LINGO2: variants seen among roughly 807,000 people sequenced by gnomAD.
LINGO2 encodes leucine-rich repeat and immunoglobulin-like domain-containing nogo receptor-interacting protein 2.
In LINGO2, 14 loss-of-function variants were observed where a neutral mutation model predicts 30.6. The observed-to-expected ratio is 0.46, with a 90% CI of 0.30 to 0.72. The LOEUF (loss-of-function observed/expected upper bound fraction) is 0.72. LINGO2 is among the 30% of genes least tolerant of loss of function. LINGO2 has a pLI of 0.07. For synonymous variants in LINGO2, 317 were observed against 288.5 expected (o/e 1.10, Z -1.00); for missense variants, 729 against 751.7 (o/e 0.97, Z 0.35).
At chr9:28,052,088 G>A (rs1045896001) in intron 4 of LINGO2, among the ~76,000 whole-genome samples, 3 of 152,038 alleles carry the variant, frequency 2.0e-5, no homozygotes, top group African/African-American at 7.2e-5. Context: ...ATTTAGCAGA[G>A]GGTAAACTGG....
the LINGO2 span, among the ~76,000 whole-genome samples, chr9:28,997,852 T>TAAA: frequency 5.5e-5 from 2 of 36,452 alleles, no homozygotes; most frequent in East Asian, 1.8e-3. Flanking sequence ...CAAAAACTAA[T>TAAA]AATAATAGTT....
the LINGO2 span, among the ~76,000 whole-genome samples, chr9:28,779,701 T>C: frequency 7.2e-5 from 11 of 152,170 alleles, no homozygotes; most frequent in Non-Finnish European, 1.5e-4. Flanking sequence ...CCACAGTTTT[T>C]TTCTGATTGC....
chr9:28,489,507 G>A (rs1826302343), intron 1 of LINGO2, among the ~76,000 whole-genome samples: 1 of 152,062 alleles, frequency 6.6e-6, no homozygotes. Flanking sequence ...AAAAGGGCTT[G>A]TTCTTTGAGG....
At chr9:29,089,382 T>C in the LINGO2 span, among the ~76,000 whole-genome samples, 1 of 151,948 alleles carries the variant, frequency 6.6e-6, no homozygotes, top group African/African-American at 2.4e-5. Flanking sequence ...CCAACAGCTA[T>C]GCAGTAGTAG....
intron 5 of LINGO2, among the ~76,000 whole-genome samples, chr9:27,994,632 T>C (rs1821565998): frequency 1.3e-5 from 2 of 152,098 alleles, no homozygotes; most frequent in South Asian, 2.1e-4. Flanking sequence ...GATGCATGCC[T>C]AAGGAGGGGC....
At chr9:27,958,765 G>A (rs185824698) in intron 5 of LINGO2, among the ~76,000 whole-genome samples, 3 of 149,062 alleles carry the variant, frequency 2.0e-5, no homozygotes, top group Non-Finnish European at 4.4e-5. Flanking sequence ...ATACCCTGTG[G>A]TTAAGGGGGG....
intron 4 of LINGO2, among the ~76,000 whole-genome samples, chr9:28,126,957 A>G (rs544356256): frequency 3.9e-5 from 6 of 152,224 alleles, no homozygotes; most frequent in Admixed American, 6.5e-5. Flanking sequence ...CATTTTTTAT[A>G]AATAAAGAAT....
intron 1 of LINGO2, among the ~76,000 whole-genome samples, chr9:28,629,563 C>T (rs77316403): frequency 0.021 from 3,202 of 151,906 alleles, 116 homozygotes; most frequent in African/African-American, 0.072. Flanking sequence ...TCATTTATAG[C>T]CAAATACATA....
chr9:29,200,399 T>C, the LINGO2 span, among the ~76,000 whole-genome samples: 12 of 152,226 alleles, frequency 7.9e-5, no homozygotes, highest in East Asian at 2.1e-3. Flanking sequence ...ATCTTAATCT[T>C]TGAATTTTTC....
chr9:28,548,754 C>T (rs1305162333), intron 1 of LINGO2, among the ~76,000 whole-genome samples: 1 of 113,680 alleles, frequency 8.8e-6, no homozygotes, highest in Admixed American at 8.5e-5. Flanking sequence ...ATAATAGTAA[C>T]ATAGAAGAAA....
chr9:27,946,998 C>A (rs1823390027), downstream of LINGO2, among the ~76,000 whole-genome samples: 1 of 152,068 alleles, frequency 6.6e-6, no homozygotes, highest in Non-Finnish European at 1.5e-5. Flanking sequence ...AAAAAGCCAG[C>A]CTTTTGAATG....
At chr9:28,486,952 G>A (rs1343896643) in intron 1 of LINGO2, among the ~76,000 whole-genome samples, 1 of 152,038 alleles carries the variant, frequency 6.6e-6, no homozygotes, top group African/African-American at 2.4e-5. Flanking sequence ...AAGAGGCTGA[G>A]TGCCAAGCAG....
chr9:28,190,947 G>A (rs1819802306), intron 4 of LINGO2, among the ~76,000 whole-genome samples: 1 of 152,140 alleles, frequency 6.6e-6, no homozygotes, highest in South Asian at 2.1e-4. Flanking sequence ...ACACTACAGT[G>A]ACCAAATAAT....
chr9:29,205,639 T>C, the LINGO2 span, among the ~76,000 whole-genome samples: 5 of 152,182 alleles, frequency 3.3e-5, no homozygotes, highest in Admixed American at 2.0e-4. Context: ...CTTCCCTAAA[T>C]ATTAGGAAGA....
At chr9:29,011,551 T>C in the LINGO2 span, among the ~76,000 whole-genome samples, 1 of 152,184 alleles carries the variant, frequency 6.6e-6, no homozygotes, top group East Asian at 1.9e-4. Flanking sequence ...TCATCTTTTA[T>C]ATTGTAGCAA....
chr9:28,788,198 T>G, the LINGO2 span, among the ~76,000 whole-genome samples: 1 of 152,150 alleles, frequency 6.6e-6, no homozygotes, highest in African/African-American at 2.4e-5. Flanking sequence ...GTGAAATAAT[T>G]TTATAGAAAA....
At chr9:28,844,845 A>C in the LINGO2 span, among the ~76,000 whole-genome samples, 1 of 151,876 alleles carries the variant, frequency 6.6e-6, no homozygotes, top group Non-Finnish European at 1.5e-5. Flanking sequence ...GCATTATTAT[A>C]ATTATAAGCA....
intron 4 of LINGO2, among the ~76,000 whole-genome samples, chr9:28,226,228 G>T (rs1167826172): frequency 6.6e-6 from 1 of 152,076 alleles, no homozygotes; most frequent in South Asian, 2.1e-4. Context: ...TACGAGAGTG[G>T]TTGTTTCAGG....
chr9:28,760,963 C>CACACACATACACAA, the LINGO2 span, among the ~76,000 whole-genome samples: 1 of 151,156 alleles, frequency 6.6e-6, no homozygotes, highest in Non-Finnish European at 1.5e-5. Flanking sequence ...CACATACACA[C>CACACACATACACAA]ACACACACAC....
Sources: gnomAD v4.1 joint callset for allele counts (sites outside exome capture counted in the v4.1 genomes callset) on GRCh38, gnomAD v4.1.1 for gene constraint, MANE v1.5 for transcripts, NCBI Gene and HGNC (gene_info 2026-07-23, HGNC 2026-07-21) for gene names.